HIVEP3: variants seen among roughly 807,000 people sequenced by gnomAD.
HIVEP3 encodes the protein transcription factor HIVEP3.
HIVEP3 carries 49 observed loss-of-function variants against 152.8 expected under a neutral mutation model. That is an observed-to-expected ratio of 0.32 (90% CI 0.26 to 0.41). The LOEUF (loss-of-function observed/expected upper bound fraction) is 0.41, where lower values mean the gene tolerates loss of function less well. Among genes scored for constraint, HIVEP3 ranks in the 10% least tolerant of loss-of-function variants. The pLI is 1.00. For synonymous variants in HIVEP3, 1,269 were observed against 1,289.0 expected (o/e 0.98, Z 0.33); for missense variants, 2,790 against 3,103.3 (o/e 0.90, Z 2.40).
chr1:41,718,579 C>A (rs1646629746), intron 1 of HIVEP3, among the ~76,000 whole-genome samples: 1 of 152,156 alleles, frequency 6.6e-6, no homozygotes. Flanking sequence ...GCCCCAGCCA[C>A]CCGGCTTAGC....
chr1:41,544,934 C>T (rs868270342), intron 5 of HIVEP3, among the ~76,000 whole-genome samples: 3 of 45,136 alleles, frequency 6.6e-5, no homozygotes, highest in Admixed American at 1.9e-4. Context: ...CCACCATCAC[C>T]ACCACCACCA....
chr1:41,890,915 T>C (rs752906547), intron 1 of HIVEP3, among the ~76,000 whole-genome samples: 1 of 152,166 alleles, frequency 6.6e-6, no homozygotes, highest in African/African-American at 2.4e-5. Flanking sequence ...AGATAATGCA[T>C]AAGGGAGAGG....
In HIVEP3 at chr1:41,560,298, G is replaced by C. The variant is rs868530918; in HGVS notation, c.5207+15246C>G. On this transcript the variant is annotated intron_variant, in intron 5 of 8. Coordinates refer to ENST00000372583, the MANE Select transcript of HIVEP3 (RefSeq NM_024503.5). The stretch of plus-strand genomic sequence containing the variant: ...AACTTTTGTGTGAGGCGCAGGGCCA[G>C]GATTTGAACCCAGGTGTGCTGTTGT... Among the ~76,000 whole-genome samples the C allele has an allele frequency of 2.0e-5, 3 of 152,328 alleles. 1 individual carries two copies. In the Middle Eastern group the frequency reaches 0.01, roughly 518 times the overall value.
chr1:41,840,190 C>A (rs78612124), intron 1 of HIVEP3, among the ~76,000 whole-genome samples: 4,023 of 152,228 alleles, frequency 0.026, 167 homozygotes, highest in African/African-American at 0.087. Flanking sequence ...GTCCCCCCAA[C>A]GTTCACATCC....
chr1:41,853,522 C>A (rs1643663856), intron 1 of HIVEP3, among the ~76,000 whole-genome samples: 1 of 152,082 alleles, frequency 6.6e-6, no homozygotes, highest in African/African-American at 2.4e-5. Context: ...GGGAAACTGC[C>A]CCCACGATTC....
intron 1 of HIVEP3, among the ~76,000 whole-genome samples, chr1:41,927,921 C>T (rs948667649): frequency 1.3e-5 from 2 of 151,864 alleles, no homozygotes; most frequent in African/African-American, 2.4e-5. Flanking sequence ...ATTAGCCAGG[C>T]GTGGTGACGT....
At chr1:41,744,449 C>T (rs987156941) in intron 1 of HIVEP3, among the ~76,000 whole-genome samples, 1 of 152,208 alleles carries the variant, frequency 6.6e-6, no homozygotes, top group Non-Finnish European at 1.5e-5. Context: ...CAGTCTTTGG[C>T]GGGTGCCAGT....
chr1:41,991,767 G>A (rs1285431344), intron 1 of HIVEP3, among the ~76,000 whole-genome samples: 2,844 of 143,640 alleles, frequency 0.02, 50 homozygotes, highest in Non-Finnish European at 0.024. Context: ...CTGGCAAAAC[G>A]AATCCAGCAG....
rs200386140 is a variant in HIVEP3, at chr1:41,580,315, C to T, written c.4483G>A (p.Glu1495Lys). Residue 1495 changes from glutamate (E) to lysine (K), a missense_variant, in exon 4 of 9, where the codon GAG (glutamate) becomes AAG (lysine). Physicochemically the swap from Glu to Lys is moderately conservative, Grantham distance 56. This residue lies in a region of HIVEP3 where 1,078 missense variants were observed against 1,165.3 expected (regional missense o/e 0.93). Coordinates refer to ENST00000372583, the MANE Select transcript of HIVEP3 (RefSeq NM_024503.5). ...HLGNQGQGRRELEMLSSLSSD... is the reference protein window; with the variant it reads ...HLGNQGQGRRKLEMLSSLSSD... ...GACAGGCTGGACAGCATTTCTAGCT[C>T]CCTCCTGCCTTGGCCCTGGTTGCCT... 1.9e-6 allele frequency: 3 copies of T among 1,614,072 alleles called. No homozygotes were observed. The highest frequency in any genetic ancestry group is 1.7e-5 in the Admixed American group (1 of 60,004).
At chr1:41,513,829 C>A in intron 7 of HIVEP3, 79 bp from the exon 8 acceptor site, 1 of 1,243,178 alleles carries the variant, frequency 8.0e-7, no homozygotes, top group South Asian at 2.0e-5. Flanking sequence ...TCTCTGAGCC[C>A]CAGTTTCCTT....
At chr1:41,833,393 C>T (rs1459782579) in intron 1 of HIVEP3, among the ~76,000 whole-genome samples, 3 of 150,670 alleles carry the variant, frequency 2.0e-5, no homozygotes, top group Non-Finnish European at 2.9e-5. Context: ...AGTCCACTGA[C>T]CAACTCAATT....
At chr1:41,919,426 G>A (rs72965247), upstream of HIVEP3, among the ~76,000 whole-genome samples, 5,563 of 152,238 alleles carry the variant, frequency 0.037, 317 homozygotes, top group African/African-American at 0.13. Flanking sequence ...GCCCTGCCTT[G>A]CTCTGCAGTC....
chr1:42,011,078 A>G (rs1409973930), intron 1 of HIVEP3, among the ~76,000 whole-genome samples: 1 of 152,168 alleles, frequency 6.6e-6, no homozygotes, highest in African/African-American at 2.4e-5. Flanking sequence ...TACCCACAGC[A>G]CTGCCTGCTG....
chr1:41,610,986 C>A (rs1183087677), intron 3 of HIVEP3, among the ~76,000 whole-genome samples: 1 of 152,176 alleles, frequency 6.6e-6, no homozygotes, highest in East Asian at 1.9e-4. Flanking sequence ...AAAATAAGCT[C>A]TTGCAGTTCA....
rs182369891 is a variant in HIVEP3, at chr1:41,558,413, C to T, written c.5207+17131G>A. ...GCTTAGAGCCTGGTCCTGAGCTCGCCAGCTACACAGCCCCAGAAACTTCTG... is the reference window on the plus strand; with the variant it reads ...GCTTAGAGCCTGGTCCTGAGCTCGCTAGCTACACAGCCCCAGAAACTTCTG... On this transcript the variant is annotated intron_variant, in intron 5 of 8. Transcript: ENST00000372583. 2.0e-5 allele frequency among the ~76,000 whole-genome samples: 3 copies of T among 152,310 alleles called. No individual in the cohort carries two copies. In the East Asian group the frequency reaches 5.8e-4, roughly 29 times the overall value.
chr1:41,618,671 G>T (rs1437773932), intron 3 of HIVEP3, among the ~76,000 whole-genome samples: 2 of 152,130 alleles, frequency 1.3e-5, no homozygotes, highest in Non-Finnish European at 2.9e-5. Flanking sequence ...GACCACCCCA[G>T]GCCCCAGTGA....
chr1:41,862,378 CTCTAA>C (rs1310331230), intron 1 of HIVEP3, among the ~76,000 whole-genome samples: 1 of 152,212 alleles, frequency 6.6e-6, no homozygotes, highest in Non-Finnish European at 1.5e-5. Context: ...AAATCCAGAA[CTCTAA>C]TCCTTCCTTC....
At chr1:41,923,617 A>G (rs1353826434), upstream of HIVEP3, among the ~76,000 whole-genome samples, 2 of 152,176 alleles carry the variant, frequency 1.3e-5, no homozygotes, top group African/African-American at 2.4e-5. Context: ...TGTCCTGTAT[A>G]TTTCAAAATA....
chr1:41,545,357 C>CATCACT, intron 5 of HIVEP3, among the ~76,000 whole-genome samples: 1 of 37,698 alleles, frequency 2.7e-5, no homozygotes, highest in Non-Finnish European at 5.3e-5. Context: ...CCATCATCGC[C>CATCACT]ACCATCACCA....
Sources: allele counts gnomAD v4.1 joint callset (sites outside exome capture counted in the v4.1 genomes callset), GRCh38; gene constraint gnomAD v4.1.1; regional missense constraint gnomAD v4.1.1; transcripts MANE v1.5; gene names NCBI Gene and HGNC (gene_info 2026-07-23, HGNC 2026-07-21).